MTUS2: variants seen among roughly 807,000 people sequenced by gnomAD.
The protein encoded by MTUS2 is microtubule associated scaffold protein 2.
MTUS2 carries 40 observed loss-of-function variants against 114.1 expected under a neutral mutation model. That is an observed-to-expected ratio of 0.35 (90% CI 0.27 to 0.46). The LOEUF (loss-of-function observed/expected upper bound fraction) is 0.46. MTUS2 is among the 20% of genes least tolerant of loss of function. The probability of loss-of-function intolerance (pLI) is 1.00; values close to 1 mark genes in which losing one functional copy is unlikely to be tolerated. For synonymous variants in MTUS2, 688 were observed against 672.0 expected, an observed-to-expected ratio of 1.02 and a Z score of -0.37; for missense variants, 1,679 against 1,705.4, an observed-to-expected ratio of 0.98 and a Z score of 0.27.
intron 6 of MTUS2, among the ~76,000 whole-genome samples, chr13:29,319,229 T>G (rs894291447): frequency 6.6e-6 from 1 of 152,202 alleles, no homozygotes; most frequent in Non-Finnish European, 1.5e-5. Context: ...TAATTCAAAC[T>G]GCCTTAGGCA....
intron 7 of MTUS2, among the ~76,000 whole-genome samples, chr13:29,348,660 T>C (rs1467170325): frequency 6.6e-6 from 1 of 152,244 alleles, no homozygotes; most frequent in African/African-American, 2.4e-5. Context: ...GGGCTTGAAA[T>C]CTCAGACTGT....
At chr13:29,075,163 C>G (rs1194949930) in intron 4 of MTUS2, among the ~76,000 whole-genome samples, 1 of 152,136 alleles carries the variant, frequency 6.6e-6, no homozygotes, top group Non-Finnish European at 1.5e-5. Flanking sequence ...AAGGTTCATC[C>G]AGTTTACACC....
rs764642663 is a variant in MTUS2, at chr13:28,939,740, C to CAA, written c.-242-84708_-242-84707dup. Among the ~76,000 whole-genome samples, 3 of 146,240 alleles carry CAA rather than the reference C, an allele frequency of 2.1e-5. No individual in the cohort carries two copies. The East Asian group carries it at 6.0e-4, about 29-fold the overall frequency. On this transcript the variant is annotated intron_variant, in intron 2 of 15. Transcript: ENST00000612955. ...AAAACTAGGAAAGGTGAAAAACAAA[C>CAA]AAAAAAAAAACTAAGAGAACGTAAG...
chr13:29,307,820 G>A, intron 6 of MTUS2: 1 of 775,868 alleles, frequency 1.3e-6, no homozygotes, highest in East Asian at 2.7e-5. Flanking sequence ...GAGAGCACAA[G>A]AGGAAGAGAG....
intron 2 of MTUS2, among the ~76,000 whole-genome samples, chr13:29,016,225 C>T (rs961274713): frequency 3.0e-4 from 45 of 151,920 alleles, no homozygotes; most frequent in Non-Finnish European, 5.1e-4. Flanking sequence ...TTATAATTGG[C>T]AATGTAAGTA....
At chr13:29,121,706 G>C (rs1253275032) in intron 5 of MTUS2, among the ~76,000 whole-genome samples, 1 of 151,546 alleles carries the variant, frequency 6.6e-6, no homozygotes, top group African/African-American at 2.4e-5. Context: ...ACCCTGGCTG[G>C]AGCGCAATGG....
chr13:28,858,257 T>C (rs1337815016), intron 2 of MTUS2, among the ~76,000 whole-genome samples: 1 of 152,156 alleles, frequency 6.6e-6, no homozygotes, highest in African/African-American at 2.4e-5. Context: ...ATTTTTAGTT[T>C]ATGTAAGTGT....
intron 2 of MTUS2, among the ~76,000 whole-genome samples, chr13:28,989,247 TTGCTTA>T (rs1412627469): frequency 3.9e-5 from 6 of 152,192 alleles, no homozygotes; most frequent in African/African-American, 1.4e-4. Flanking sequence ...AGGAAAATGG[TTGCTTA>T]GTAATTTGGG....
chr13:28,853,848 C>G (rs983315823), intron 2 of MTUS2, among the ~76,000 whole-genome samples: 33 of 152,140 alleles, frequency 2.2e-4, no homozygotes, highest in African/African-American at 8.0e-4. Context: ...CCAAGGAGTT[C>G]AAGATCATCA....
chr13:29,188,324 T>C (rs959379232), intron 5 of MTUS2, among the ~76,000 whole-genome samples: 2 of 152,146 alleles, frequency 1.3e-5, no homozygotes, highest in African/African-American at 4.8e-5. Flanking sequence ...TAAATATAAA[T>C]TATACTATTT....
Position 29,281,737 on chromosome 13 carries a change from T to A in MTUS2, c.2678T>A (p.Leu893Gln). Residue 893 changes from leucine (L) to glutamine (Q), a missense_variant, in exon 6 of 16, where the codon CTG (leucine) becomes CAG (glutamine). This residue lies in a region of MTUS2 where 822 missense variants were observed against 899.7 expected (regional missense o/e 0.91). Coordinates refer to ENST00000612955, the MANE Select transcript of MTUS2 (RefSeq NM_001033602.4). ...STFGNEEQPV[L>Q]KASLPSKDTP... ...TTTGGGAATGAAGAACAGCCAGTTC[T>A]GAAGGCATCTCTGCCTTCTAAGGAC... is the stretch of plus-strand genomic sequence containing the variant. The A allele has an allele frequency of 1.2e-6, 2 of 1,611,084 alleles. No individual in the cohort carries two copies. The highest frequency in any genetic ancestry group is 1.7e-6 in the Non-Finnish European group (2 of 1,177,514).
intron 2 of MTUS2, among the ~76,000 whole-genome samples, chr13:28,855,975 G>A (rs2138047715): frequency 6.6e-6 from 1 of 152,252 alleles, no homozygotes; most frequent in Non-Finnish European, 1.5e-5. Context: ...TGACTGGCAT[G>A]AGATGGTATC....
intron 5 of MTUS2, among the ~76,000 whole-genome samples, chr13:29,230,528 T>G (rs1171448954): frequency 1.3e-5 from 2 of 152,266 alleles, no homozygotes; most frequent in Non-Finnish European, 2.9e-5. Context: ...CTGCTGTTAT[T>G]GCTCTCTAAT....
chr13:29,241,846 C>A (rs1896746353), intron 5 of MTUS2, among the ~76,000 whole-genome samples: 1 of 152,058 alleles, frequency 6.6e-6, no homozygotes, highest in South Asian at 2.1e-4. Flanking sequence ...GTCCAATCCA[C>A]CTTAGAAAGC....
chr13:29,441,893 A>AT lies in MTUS2; in HGVS notation c.3184+1852dup, dbSNP rs199599857. Among the ~76,000 whole-genome samples the AT allele has an allele frequency of 1.6e-3, 241 of 152,104 alleles. 2 individuals are homozygous for AT. Among genetic ancestry groups the AT allele is most frequent in the South Asian group, 1.9e-3 (9 of 4,806 alleles). On this transcript the variant is annotated intron_variant, in intron 9 of 15. Transcript: ENST00000612955. ...GATGGAAACTACCTTATCAAAAAGG[A>AT]TTTTTTTTAATCAAAAAAATCCTCA...
rs530734753 is a variant in MTUS2, at chr13:29,067,189, C to T, written c.2446+33064C>T. On this transcript the variant is annotated intron_variant, in intron 4 of 15. Transcript: ENST00000612955. ...CTGAGCCAAAGATACAATGTGGTGT[C>T]ATTACCCCATGGATGTGAGTTGAAG... Among the ~76,000 whole-genome samples, 57 of 152,174 alleles carry T rather than the reference C, an allele frequency of 3.7e-4. No individual in the cohort carries two copies. The South Asian group carries it at 0.011, about 29-fold the overall frequency.
intron 4 of MTUS2, among the ~76,000 whole-genome samples, chr13:29,061,495 T>C (rs1888416680): frequency 6.6e-6 from 1 of 152,200 alleles, no homozygotes; most frequent in African/African-American, 2.4e-5. Flanking sequence ...TTGATATTCA[T>C]CCAAAGGGTT....
At chr13:29,124,102 G>A (rs57735423) in intron 5 of MTUS2, among the ~76,000 whole-genome samples, 2,950 of 152,236 alleles carry the variant, frequency 0.019, 105 homozygotes, top group African/African-American at 0.067. Context: ...CTTCTTACCC[G>A]AAGCCTCATT....
At chr13:28,875,068 C>T (rs1181993393) in intron 2 of MTUS2, among the ~76,000 whole-genome samples, 1 of 152,160 alleles carries the variant, frequency 6.6e-6, no homozygotes, top group Non-Finnish European at 1.5e-5. Flanking sequence ...TAGCACAGTA[C>T]TTGGTACATA....
Sources: allele counts gnomAD v4.1 joint callset (sites outside exome capture counted in the v4.1 genomes callset), GRCh38; gene constraint gnomAD v4.1.1; regional missense constraint gnomAD v4.1.1; transcripts MANE v1.5; gene names NCBI Gene and HGNC (gene_info 2026-07-23, HGNC 2026-07-21).